The following GSE1 variants were observed in gnomAD, a reference collection of about 807,000 sequenced individuals.
GSE1 encodes genetic suppressor element 1.
A neutral mutation model predicts 112.6 loss-of-function variants in GSE1; 32 were observed. The observed-to-expected ratio is 0.28, with a 90% CI of 0.21 to 0.38. The LOEUF (loss-of-function observed/expected upper bound fraction) is 0.38, where lower values mean the gene tolerates loss of function less well. Among genes scored for constraint, GSE1 ranks in the 10% least tolerant of loss-of-function variants. The pLI is 1.00. For synonymous variants in GSE1, 1,115 were observed against 735.6 expected (o/e 1.52, Z -8.35); for missense variants, 2,348 against 1,699.2 (o/e 1.38, Z -6.71).
intron 1 of GSE1, among the ~76,000 whole-genome samples, chr16:85,242,837 G>C (rs944265677): frequency 2.6e-5 from 4 of 152,098 alleles, no homozygotes; most frequent in African/African-American, 9.7e-5. Context: ...TTTGAGACAA[G>C]GTCTTGCTCT....
intron 2 of GSE1, among the ~76,000 whole-genome samples, chr16:85,482,977 CAA>C (rs3054201): frequency 1.2e-4 from 6 of 48,264 alleles, no homozygotes; most frequent in Non-Finnish European, 1.3e-4. Flanking sequence ...GACTCCGTCT[CAA>C]AAAAAAAAAA....
chr16:85,472,172 A>G (rs1003971995), intron 2 of GSE1, among the ~76,000 whole-genome samples: 4 of 152,148 alleles, frequency 2.6e-5, no homozygotes, highest in Non-Finnish European at 5.9e-5. Flanking sequence ...ATCCTTGCTT[A>G]AGGTGTGTGT....
At position 85,670,969 on chromosome 16, in the gene GSE1, T is replaced by TA. The variant is rs768028948; in HGVS notation, c.3416-25dup. The TA allele has an allele frequency of 9.0e-6, 13 of 1,444,418 alleles. No homozygotes were observed. The African/African-American group carries it at 1.5e-4, about 17-fold the overall frequency. 89.5% of individuals were successfully genotyped at this position (1,444,418 alleles called of 1,614,324 possible). A position where few individuals can be genotyped will look rare whatever the true frequency, so the allele number is the denominator to read the frequency against. ...CCTTCGGGCTCCTGCATACGGAAAA[T>TA]ACATCACCATCTCCTGTCTTTTCAG... On this transcript the variant is annotated intron_variant, in intron 14 of 15. Coordinates refer to ENST00000253458, the MANE Select transcript of GSE1 (RefSeq NM_014615.5).
chr16:85,294,895 A>G (rs1227645919), intron 1 of GSE1, among the ~76,000 whole-genome samples: 1 of 150,370 alleles, frequency 6.7e-6, no homozygotes, highest in Non-Finnish European at 1.5e-5. Flanking sequence ...CGTTCACAGT[A>G]TTTTGGGTTT....
chr16:85,452,181 G>T (rs1444105003), intron 2 of GSE1, among the ~76,000 whole-genome samples: 5 of 152,216 alleles, frequency 3.3e-5, no homozygotes. Context: ...GCCTGCATCG[G>T]GGCCCCGCAA....
chr16:85,562,421 G>A (rs1033618386), intron 1 of GSE1, among the ~76,000 whole-genome samples: 8 of 150,346 alleles, frequency 5.3e-5, no homozygotes, highest in African/African-American at 2.0e-4. Flanking sequence ...TTGTTGTTAC[G>A]CCATGGGTGG....
chr16:85,175,552 G>A (rs1166765103), intron 1 of GSE1, among the ~76,000 whole-genome samples: 7 of 152,240 alleles, frequency 4.6e-5, no homozygotes, highest in Non-Finnish European at 1.5e-5. Context: ...TTGCGGATGC[G>A]TTGACGCCCC....
chr16:85,521,900 G>C (rs2052199404), intron 2 of GSE1, among the ~76,000 whole-genome samples: 1 of 152,238 alleles, frequency 6.6e-6, no homozygotes, highest in Admixed American at 6.5e-5. Context: ...GGTCCCGGCA[G>C]TGCCAAGTGT....
At chr16:85,173,652 A>C (rs1181653502) in intron 1 of GSE1, among the ~76,000 whole-genome samples, 5 of 152,190 alleles carry the variant, frequency 3.3e-5, no homozygotes, top group Non-Finnish European at 7.3e-5. Flanking sequence ...TTTTGTGCAA[A>C]GTATCCAAAT....
At chr16:85,331,515 A>ATGTGTATATATGTGTATATGTGTATATG in intron 1 of GSE1, among the ~76,000 whole-genome samples, 1 of 115,312 alleles carries the variant, frequency 8.7e-6, no homozygotes, top group Non-Finnish European at 1.9e-5. Context: ...ATATGTATAT[A>ATGTGTATATATGTGTATATGTGTATATG]TGTGTATATA....
chr16:85,304,266 G>C (rs2968424), intron 1 of GSE1, among the ~76,000 whole-genome samples: 5,405 of 152,332 alleles, frequency 0.035, 326 homozygotes, highest in African/African-American at 0.12. Flanking sequence ...CTGCGTGGTG[G>C]AGAGCTGGGA....
chr16:85,536,504 C>T (rs548142798), intron 2 of GSE1, among the ~76,000 whole-genome samples: 4 of 152,302 alleles, frequency 2.6e-5, no homozygotes, highest in South Asian at 2.1e-4. Flanking sequence ...GGGCAGGGCT[C>T]GTCTAGCACA....
intron 2 of GSE1, among the ~76,000 whole-genome samples, chr16:85,464,627 G>T (rs190907706): frequency 6.6e-6 from 1 of 152,196 alleles, no homozygotes; most frequent in South Asian, 2.1e-4. Context: ...ACGAAGCCTC[G>T]GGAATGTGCC....
chr16:85,282,586 C>G (rs922804791), intron 1 of GSE1, among the ~76,000 whole-genome samples: 45 of 152,184 alleles, frequency 3.0e-4, no homozygotes, highest in African/African-American at 1.1e-3. Context: ...TGTTTGGTGA[C>G]GAGGTCACAG....
intron 1 of GSE1, among the ~76,000 whole-genome samples, chr16:85,632,025 C>T (rs59209124): frequency 1.3e-5 from 2 of 152,360 alleles, no homozygotes; most frequent in East Asian, 1.9e-4. Flanking sequence ...GACGGGCCCT[C>T]ATTGGCAGCC....
intron 1 of GSE1, among the ~76,000 whole-genome samples, chr16:85,328,403 A>G (rs1439943704): frequency 6.6e-6 from 1 of 152,180 alleles, no homozygotes; most frequent in Non-Finnish European, 1.5e-5. Flanking sequence ...TGAGCCAGAT[A>G]AAGGCACAGC....
At chr16:85,588,758 A>C (rs570573679) in intron 1 of GSE1, among the ~76,000 whole-genome samples, 1 of 152,140 alleles carries the variant, frequency 6.6e-6, no homozygotes, top group East Asian at 1.9e-4. Flanking sequence ...ACTTTCCTGG[A>C]GGGAGGGGGG....
At chr16:85,209,475 A>G (rs1162935476) in intron 1 of GSE1, among the ~76,000 whole-genome samples, 7 of 151,814 alleles carry the variant, frequency 4.6e-5, no homozygotes. Flanking sequence ...TGTGGCCCCC[A>G]GCTGGCGTGC....
intron 1 of GSE1, among the ~76,000 whole-genome samples, chr16:85,314,606 TC>T (rs760033449): frequency 6.6e-6 from 1 of 151,872 alleles, no homozygotes; most frequent in Non-Finnish European, 1.5e-5. Context: ...ACCCACAGGC[TC>T]CCTCCTTCCT....
Sources: gnomAD v4.1 joint callset for allele counts (sites outside exome capture counted in the v4.1 genomes callset) on GRCh38, gnomAD v4.1.1 for gene constraint, MANE v1.5 for transcripts, NCBI Gene and HGNC (gene_info 2026-07-23, HGNC 2026-07-21) for gene names.